The following NELFB variants were observed in gnomAD, a reference collection of about 807,000 sequenced individuals.
NELFB encodes the protein negative elongation factor complex member B.
NELFB carries 34 observed loss-of-function variants against 60.2 expected under a neutral mutation model. The observed-to-expected ratio is 0.56, with a 90% CI of 0.43 to 0.75. The LOEUF (loss-of-function observed/expected upper bound fraction) is 0.75. NELFB is among the 30% of genes least tolerant of loss of function. The pLI is 0.00. For synonymous variants in NELFB, 459 were observed against 382.1 expected (o/e 1.20, Z -2.35); for missense variants, 770 against 831.6 (o/e 0.93, Z 0.91).
chr9:137,269,371 G>A lies in NELFB; in HGVS notation c.1489+2025G>A, dbSNP rs1830555886. Reference sequence around the variant, plus strand: ...TGGAGGCTCAGGGAGGCTCTTGAGGGCATTGGGACATCGTGCTGCCGGCCG... The same window carrying A: ...TGGAGGCTCAGGGAGGCTCTTGAGGACATTGGGACATCGTGCTGCCGGCCG... On this transcript the variant is annotated intron_variant, in intron 10 of 12. Coordinates refer to ENST00000343053, the MANE Select transcript of NELFB (RefSeq NM_015456.5). This position sits in a 1 kb window ranked among gnomAD's most constrained non-coding sequence, Gnocchi z 5.3. Among the ~76,000 whole-genome samples, 1 of 152,164 alleles carries A rather than the reference G, an allele frequency of 6.6e-6. No homozygotes were observed. Among genetic ancestry groups the A allele is most frequent in the Non-Finnish European group, 1.5e-5 (1 of 68,032 alleles).
rs751199805 is a variant in NELFB at position 137,255,531 on chromosome 9, C to T, written c.166C>T (p.Leu56=). 3.2e-6 allele frequency: 5 copies of T among 1,547,186 alleles called. No homozygotes were observed. In the Admixed American group the frequency reaches 5.9e-5, roughly 18 times the overall value. The change falls in exon 1 of 13, where the codon CTG becomes TTG. Residue 56 remains leucine, a synonymous_variant. Coordinates refer to ENST00000343053, the MANE Select transcript of NELFB (RefSeq NM_015456.5). ...GGCCATGTTCGCGGGGCTGCAGGAC[C>T]TGGGCGTGGCCAACGGCGAGGACCT...
intron 4 of NELFB, among the ~76,000 whole-genome samples, chr9:137,258,185 G>C (rs1032704878): frequency 7.2e-6 from 1 of 139,494 alleles, no homozygotes; most frequent in African/African-American, 2.7e-5. Flanking sequence ...GTACAGTGGT[G>C]TGATCGTGGC....
rs1288946302 is a variant in NELFB, at chr9:137,269,535, C to T, written c.1489+2189C>T. ...GTCTACCGTGGACCACATATACGAC[C>T]ACGCGGTCACATAAGCTGACAATAC... is the stretch of plus-strand genomic sequence containing the variant. On this transcript the variant is annotated intron_variant, in intron 10 of 12. Coordinates refer to ENST00000343053, the MANE Select transcript of NELFB (RefSeq NM_015456.5). The surrounding 1 kb of genome is among the most constrained non-coding windows in gnomAD (Gnocchi z 5.3). Among the ~76,000 whole-genome samples, 1 of 152,238 alleles carries T rather than the reference C, an allele frequency of 6.6e-6. No homozygotes were observed. Among genetic ancestry groups the T allele is most frequent in the Non-Finnish European group, 1.5e-5 (1 of 68,040 alleles).
intron 4 of NELFB, among the ~76,000 whole-genome samples, chr9:137,257,919 C>T (rs1263485921): frequency 1.3e-5 from 2 of 151,804 alleles, no homozygotes; most frequent in African/African-American, 4.9e-5. Flanking sequence ...AGTGATCTTC[C>T]TGAGTAGCTG....
At chr9:137,256,293 G>T in intron 2 of NELFB, 36 bp from the exon 3 acceptor site, 1 of 1,577,992 alleles carries the variant, frequency 6.3e-7, no homozygotes, top group Non-Finnish European at 8.7e-7. Flanking sequence ...GCGATTTGGC[G>T]CATCGCTGCA....
intron 10 of NELFB, 143 bp downstream of exon 10, chr9:137,267,489 CCTT>C (rs1405945066): frequency 1.5e-5 from 9 of 585,064 alleles, no homozygotes; most frequent in Non-Finnish European, 2.4e-5. Flanking sequence ...TTTGTTTTCA[CCTT>C]TTTTTTTTTT....
In NELFB at chr9:137,272,352, G is replaced by C; in HGVS notation, c.1631+130G>C. ...GTGGGTCTGTTGGGCACCAGGGCTC[G>C]CATGTGGCCCTGCAGGGTGCCTGGG... On this transcript the variant is annotated intron_variant, in intron 11 of 12. Coordinates refer to ENST00000343053, the MANE Select transcript of NELFB (RefSeq NM_015456.5). The C allele has an allele frequency of 5.4e-6, 8 of 1,486,056 alleles. No individual in the cohort carries two copies. The South Asian group carries it at 8.8e-5, about 16-fold the overall frequency. The allele number at this position is 1,486,056 out of a possible 1,614,324, so 92.1% of individuals were successfully genotyped here.
chr9:137,269,093 GCA>G lies in NELFB; in HGVS notation c.1489+1749_1489+1750del, dbSNP rs1032495268. Among the ~76,000 whole-genome samples, 7 of 152,064 alleles carry G rather than the reference GCA, an allele frequency of 4.6e-5. No individual in the cohort carries two copies. The highest frequency in any genetic ancestry group is 1.0e-4 in the Non-Finnish European group (7 of 68,014). ...AACTTGGGGACACGTCCACACCACA[GCA>G]CGTGCCTATTGTGTTTCTCGGTGGC... On this transcript the variant is annotated intron_variant, in intron 10 of 12. Coordinates refer to ENST00000343053, the MANE Select transcript of NELFB (RefSeq NM_015456.5). The surrounding 1 kb of genome is among the most constrained non-coding windows in gnomAD (Gnocchi z 5.3).
In NELFB at chr9:137,256,023, G is replaced by A. The variant is rs1194403884; in HGVS notation, c.363G>A (p.Leu121=). The change falls in exon 2 of 13, where the codon CTG becomes CTA. Residue 121 remains leucine, a synonymous_variant. Transcript: ENST00000343053. The stretch of plus-strand genomic sequence containing the variant: ...TATTCGATGAGCTGCGGGACAAGCT[G>A]CTGGAGCGAGTGTCAGCCATCGCTT... 1 of 1,613,834 alleles carries A rather than the reference G, an allele frequency of 6.2e-7. No homozygotes were observed. The highest frequency in any genetic ancestry group is 8.5e-7 in the Non-Finnish European group (1 of 1,180,020).
At position 137,255,501 on chromosome 9, in the gene NELFB, G is replaced by T. The variant is rs1231579356; in HGVS notation, c.136G>T (p.Ala46Ser). Residue 46 changes from alanine to serine, a missense_variant, in exon 1 of 13, where the codon GCC becomes TCC. Ala to Ser is a moderately conservative substitution (Grantham distance 99, BLOSUM62 1). Transcript: ENST00000343053. ...GGCGCCTAGCCGGGCGGTGGCCGGG[G>T]CCTCGGCCATGTTCGCGGGGCTGCA... is the stretch of plus-strand genomic sequence containing the variant. 1.3e-6 allele frequency: 2 copies of T among 1,532,634 alleles called. No individual in the cohort carries two copies. The highest frequency in any genetic ancestry group is 5.2e-5 in the East Asian group (2 of 38,312). The allele number at this position is 1,532,634 out of a possible 1,614,324, so 94.9% of individuals were successfully genotyped here. A position where few individuals can be genotyped will look rare whatever the true frequency, so the allele number is the denominator to read the frequency against.
At chr9:137,262,560 A>G (rs1267059868) in intron 4 of NELFB, among the ~76,000 whole-genome samples, 6 of 152,244 alleles carry the variant, frequency 3.9e-5, no homozygotes, top group South Asian at 2.1e-4. Flanking sequence ...GCTAATGACT[A>G]ATATTCAAAT....
rs1282626444 is a variant in NELFB at position 137,272,173 on chromosome 9, G to A, written c.1582G>A (p.Asp528Asn). 1 of 1,614,176 alleles carries A rather than the reference G, an allele frequency of 6.2e-7. No individual in the cohort carries two copies. Among genetic ancestry groups the A allele is most frequent in the Admixed American group, 1.7e-5 (1 of 60,026 alleles). ...GCTGGCCGACGAATTTGCCCTTGAG[G>A]ACTTCTGCAGCAGCCTCTTCGATGG... Residue 528 changes from aspartate to asparagine, a missense_variant, in exon 11 of 13, where the codon GAC becomes AAC. By Grantham distance (23) the Asp-to-Asn change is conservative. Coordinates refer to ENST00000343053, the MANE Select transcript of NELFB (RefSeq NM_015456.5).
At position 137,265,054 on chromosome 9, in the gene NELFB, T is replaced by TTTTTTTC. The variant is rs1554791518; in HGVS notation, c.1040+697_1040+698insTTTTTTC. Among the ~76,000 whole-genome samples the TTTTTTTC allele has an allele frequency of 2.6e-5, 3 of 114,034 alleles. 1 individual carries two copies. The highest frequency in any genetic ancestry group is 9.3e-5 in the Admixed American group (1 of 10,742). 74.8% of individuals were successfully genotyped at this position (114,034 alleles called of 152,430 possible). ...TCCTTTTTTTTTTTTTTTTTTTTTT[T>TTTTTTTC]CTGAGACAGGGTCTCTGTCACCCAG... On this transcript the variant is annotated intron_variant, in intron 6 of 12. Transcript: ENST00000343053.
At position 137,273,144 on chromosome 9, in the gene NELFB, CCTT is replaced by C; in HGVS notation, c.*217_*219del. 2.2e-6 allele frequency: 1 copy of C among 455,018 alleles called. No homozygotes were observed. Among genetic ancestry groups the C allele is most frequent in the Non-Finnish European group, 3.8e-6 (1 of 261,146 alleles). The allele number at this position is 455,018 out of a possible 1,614,324, so 28.2% of individuals were successfully genotyped here. Reference sequence around the variant, plus strand: ...CAGTGGCTCCCAGGGCAGAGCCTCTCCTTGTACTTTGGCAGCCATAGAAAGCGT... The same window carrying C: ...CAGTGGCTCCCAGGGCAGAGCCTCTCGTACTTTGGCAGCCATAGAAAGCGT... On this transcript the variant is annotated 3_prime_UTR_variant, in exon 13 of 13. Coordinates refer to ENST00000343053, the MANE Select transcript of NELFB (RefSeq NM_015456.5).
chr9:137,272,531 G>C lies in NELFB; in HGVS notation c.1656G>C (p.Ala552=), dbSNP rs374961012. The C allele has an allele frequency of 1.9e-6, 3 of 1,612,212 alleles. No individual in the cohort carries two copies. In the Admixed American group the frequency reaches 5.0e-5, roughly 27 times the overall value. ...GGAAGGAGAACGTGCACCGGCACGCGCTGCGGCTCCTCATTCACCTGCACC... is the reference window on the plus strand; with the variant it reads ...GGAAGGAGAACGTGCACCGGCACGCCCTGCGGCTCCTCATTCACCTGCACC... The change falls in exon 12 of 13, where the codon GCG becomes GCC. Residue 552 remains alanine (A), a synonymous_variant. Transcript: ENST00000343053.
In NELFB at chr9:137,272,570, G is replaced by A. The variant is rs3204123; in HGVS notation, c.1695G>A (p.Pro565=). The change falls in exon 12 of 13, where the codon CCG becomes CCA. Residue 565 remains proline (P), a synonymous_variant. Transcript: ENST00000343053. ...TTCACCTGCACCCCAGGGTGGCCCC[G>A]TCTAAGCTGGAGGCGTTGCAGAAGG... 0.74 allele frequency: 1,185,049 copies of A among 1,610,142 alleles called. 439,760 individuals are homozygous for A. The highest frequency in any genetic ancestry group is 0.8 in the Admixed American group (47,662 of 59,686).
At chr9:137,264,502 G>A (rs1272801644) in intron 6 of NELFB, 145 bp downstream of exon 6, 7 of 644,280 alleles carry the variant, frequency 1.1e-5, no homozygotes, top group Non-Finnish European at 1.9e-5. Context: ...GTCTCGTTCT[G>A]TAGCCCAGGA....
intron 1 of NELFB, 65 bp downstream of exon 1, chr9:137,255,676 GC>G: frequency 6.7e-7 from 1 of 1,486,368 alleles, no homozygotes; most frequent in Non-Finnish European, 9.0e-7. Flanking sequence ...CGGGAGTCGG[GC>G]CTGGCGGAGG....
chr9:137,271,776 T>TCCACTTCTTC (rs1830586790), intron 10 of NELFB, among the ~76,000 whole-genome samples: 1 of 151,514 alleles, frequency 6.6e-6, no homozygotes. Flanking sequence ...ACCCTCCTCC[T>TCCACTTCTTC]GTCCCCGGGC....
Sources: allele counts gnomAD v4.1 joint callset (sites outside exome capture counted in the v4.1 genomes callset), GRCh38; gene constraint gnomAD v4.1.1; non-coding constraint Gnocchi (gnomAD v3.1); transcripts MANE v1.5; gene names NCBI Gene and HGNC (gene_info 2026-07-23, HGNC 2026-07-21).